The following KAT6A variants were observed in gnomAD, a reference collection of about 807,000 sequenced individuals.
KAT6A encodes histone acetyltransferase KAT6A.
KAT6A carries 9 observed loss-of-function variants against 198.4 expected under a neutral mutation model. The observed-to-expected ratio is 0.05, with a 90% CI of 0.03 to 0.08. KAT6A has a LOEUF of 0.08. KAT6A is among the 10% of genes least tolerant of loss of function. The pLI is 1.00. For missense variants in KAT6A, 2,077 were observed against 2,509.9 expected (o/e 0.83, Z 3.69); for synonymous variants, 890 against 883.0 (o/e 1.01, Z -0.14).
In KAT6A at chr8:41,933,142, G is replaced by T. The variant is rs769417965; in HGVS notation, c.5078C>A (p.Pro1693Gln). 4.4e-6 allele frequency: 7 copies of T among 1,606,734 alleles called. No homozygotes were observed. The highest frequency in any genetic ancestry group is 1.7e-5 in the Admixed American group (1 of 59,824). Residue 1693 changes from proline to glutamine, a missense_variant, in exon 17 of 17, where the codon CCA becomes CAA. Around this residue, in one of 13 missense-constraint regions of KAT6A, gnomAD observed 500 missense variants for 577.2 expected, o/e 0.87. Coordinates refer to ENST00000265713, the MANE Select transcript of KAT6A (RefSeq NM_006766.5). The surrounding 1 kb of genome is among the most constrained non-coding windows in gnomAD (Gnocchi z 6.2). Reference sequence around the variant, plus strand: ...CGGGGGCTGCTGCTGGGGAGGGGGTGGGGGTGGAGGCTGCTGGGGCTGAGG... The same window carrying T: ...CGGGGGCTGCTGCTGGGGAGGGGGTTGGGGTGGAGGCTGCTGGGGCTGAGG... ...PQPQPQQPPP[P>Q]PPPQQQPPLS...
At chr8:42,037,444 A>T (rs1250485463) in intron 2 of KAT6A, among the ~76,000 whole-genome samples, 4 of 152,206 alleles carry the variant, frequency 2.6e-5, no homozygotes, top group Admixed American at 2.6e-4. Flanking sequence ...AGGTTCTAGA[A>T]AACTCAGGAG....
rs753140023 is a variant in KAT6A at position 41,981,868 on chromosome 8, T to C, written c.796A>G (p.Ser266Gly). 8 of 1,613,708 alleles carry C rather than the reference T, an allele frequency of 5.0e-6. No homozygotes were observed. Among genetic ancestry groups the C allele is most frequent in the Admixed American group, 1.7e-5 (1 of 59,996 alleles). ...RWQCIECKTC[S>G]SCRDQGKNAD... ...TTTTTGCCTTGATCTCGACAGGAGCTGCATGTTTTACACTCGATGCACTGC... is the reference window on the plus strand; with the variant it reads ...TTTTTGCCTTGATCTCGACAGGAGCCGCATGTTTTACACTCGATGCACTGC... The change falls in exon 4 of 17, where the codon AGC (serine) becomes GGC (glycine). Residue 266 changes from serine (S) to glycine (G), a missense_variant. This residue lies in a region of KAT6A where 89 missense variants were observed against 154.4 expected (regional missense o/e 0.58). Coordinates refer to ENST00000265713, the MANE Select transcript of KAT6A (RefSeq NM_006766.5).
intron 2 of KAT6A, among the ~76,000 whole-genome samples, chr8:42,043,222 G>T (rs1028017572): frequency 6.6e-6 from 1 of 152,152 alleles, no homozygotes; most frequent in East Asian, 1.9e-4. Context: ...AATAACTGAA[G>T]TAAATGGAAC....
intron 2 of KAT6A, among the ~76,000 whole-genome samples, chr8:42,042,652 G>C (rs1052278693): frequency 6.6e-6 from 1 of 152,144 alleles, no homozygotes; most frequent in African/African-American, 2.4e-5. Flanking sequence ...TCTGCTCCAG[G>C]TTACCCAGCT....
rs753885399 is a variant in KAT6A at position 41,978,645 on chromosome 8, G to A, written c.1040C>T (p.Thr347Met). The A allele has an allele frequency of 1.8e-5, 29 of 1,613,678 alleles. No homozygotes were observed. Among genetic ancestry groups the A allele is most frequent in the South Asian group, 5.5e-5 (5 of 91,058 alleles). The change falls in exon 6 of 17, where the codon ACG (threonine) becomes ATG (methionine). Residue 347 changes from threonine to methionine, a missense_variant. Thr to Met is a moderately conservative substitution (Grantham distance 81). Transcript: ENST00000265713. ...RPKNRLKKQN[T>M]VSKGPFSKVR... ...CCTTGCCACAAGTACAACTTACACC[G>A]TGTTTTGTTTCTTTAACCTGTTTTT...
chr8:41,941,436 C>T lies in KAT6A; in HGVS notation c.2445G>A (p.Lys815=), dbSNP rs777232584. The part of the protein sequence containing the change: ...QERELEISVG[K]SVSHENKEQD... ...GTTCTTTGTTCTCATGAGACACAGA[C>T]TTTCCCACCTGATTTTAGAAAATAA... The change falls in exon 15 of 17, where the codon AAG becomes AAA. Residue 815 remains lysine (K), a synonymous_variant. Transcript: ENST00000265713. 2 of 1,580,708 alleles carry T rather than the reference C, an allele frequency of 1.3e-6. No homozygotes were observed. The highest frequency in any genetic ancestry group is 2.3e-5 in the South Asian group (2 of 86,136).
chr8:41,977,762 G>A (rs1186490096), intron 6 of KAT6A, among the ~76,000 whole-genome samples: 1 of 152,088 alleles, frequency 6.6e-6, no homozygotes, highest in Non-Finnish European at 1.5e-5. Flanking sequence ...AAAACACAAG[G>A]ATGGGTTATT....
intron 2 of KAT6A, among the ~76,000 whole-genome samples, chr8:42,042,499 T>C (rs1246697602): frequency 2.0e-5 from 3 of 151,910 alleles, no homozygotes; most frequent in Non-Finnish European, 4.4e-5. Context: ...AAAATTTAAA[T>C]TCTAAATTCC....
rs540076663 is a variant in KAT6A at position 42,010,299 on chromosome 8, T to C, written c.601-22736A>G. On this transcript the variant is annotated intron_variant, in intron 2 of 16. Transcript: ENST00000265713. ...CAGCCTGGGTGACTGGTATTGTCAATACCATCTATTGACAATAGGCCAGAA... is the reference window on the plus strand; with the variant it reads ...CAGCCTGGGTGACTGGTATTGTCAACACCATCTATTGACAATAGGCCAGAA... 3.3e-5 allele frequency among the ~76,000 whole-genome samples: 5 copies of C among 152,240 alleles called. No individual in the cohort carries two copies. The East Asian group carries it at 7.7e-4, about 24-fold the overall frequency.
At chr8:41,948,168 G>A (rs1007802323) in intron 10 of KAT6A, among the ~76,000 whole-genome samples, 8 of 152,178 alleles carry the variant, frequency 5.3e-5, no homozygotes, top group African/African-American at 1.9e-4. Flanking sequence ...TGATAATCTG[G>A]TTTTAAAAGA....
At position 41,941,225 on chromosome 8, in the gene KAT6A, G is replaced by A. The variant is rs770564178; in HGVS notation, c.2656C>T (p.Leu886=). 2.4e-5 allele frequency: 38 copies of A among 1,613,998 alleles called. No homozygotes were observed. The highest frequency in any genetic ancestry group is 3.1e-5 in the Non-Finnish European group (36 of 1,180,030). ...QERFGDKDSK[L]LLEETSSAPQ... ...GCTGAAGACGTCTCTTCCAAGAGCAGTTTAGAATCTTTATCACCAAAACGT... is the reference window on the plus strand; with the variant it reads ...GCTGAAGACGTCTCTTCCAAGAGCAATTTAGAATCTTTATCACCAAAACGT... Residue 886 remains leucine (L), a synonymous_variant, in exon 15 of 17, where the codon CTG becomes TTG. Coordinates refer to ENST00000265713, the MANE Select transcript of KAT6A (RefSeq NM_006766.5).
chr8:41,945,396 A>G (rs1822326731), intron 12 of KAT6A, among the ~76,000 whole-genome samples: 1 of 150,406 alleles, frequency 6.6e-6, no homozygotes, highest in South Asian at 2.1e-4. Context: ...TCAGCCTCCC[A>G]AGTAGCTGGG....
chr8:42,036,818 A>G (rs1052290800), intron 2 of KAT6A, among the ~76,000 whole-genome samples: 5 of 152,194 alleles, frequency 3.3e-5, no homozygotes, highest in Non-Finnish European at 7.3e-5. Context: ...GGTAAGGAGA[A>G]AGAAAGGTGG....
rs35594171 is a variant in KAT6A, at chr8:42,003,445, C to CT, written c.601-15883dup. Among the ~76,000 whole-genome samples, 776 of 142,824 alleles carry CT rather than the reference C, an allele frequency of 5.4e-3. 6 individuals carry two copies. The highest frequency in any genetic ancestry group is 0.013 in the African/African-American group (522 of 39,042). The allele number at this position is 142,824 out of a possible 152,430, so 93.7% of individuals were successfully genotyped here. A position where few individuals can be genotyped will look rare whatever the true frequency, so the allele number is the denominator to read the frequency against. On this transcript the variant is annotated intron_variant, in intron 2 of 16. Coordinates refer to ENST00000265713, the MANE Select transcript of KAT6A (RefSeq NM_006766.5). ...TCCAAGCTTCCAATAATTCAAACCT[C>CT]TTTTTTTTTTTTTTTGTTTCCCCAG...
rs1821669081 is a variant in KAT6A, at chr8:41,933,410, C to A, written c.4810G>T (p.Val1604Leu). Residue 1604 changes from valine to leucine, a missense_variant, in exon 17 of 17, where the codon GTG becomes TTG. Transcript: ENST00000265713. This position sits in a 1 kb window ranked among gnomAD's most constrained non-coding sequence, Gnocchi z 6.2. ...ATGCTGGCCATCTGCTGAGTGACCA[C>A]ACAGCTGCTCTGGGTGAGGCTGCTG... ...SSSSLTQSSC[V>L]VTQQMASMGS... 2 of 1,610,344 alleles carry A rather than the reference C, an allele frequency of 1.2e-6. No homozygotes were observed. The highest frequency in any genetic ancestry group is 1.7e-5 in the Admixed American group (1 of 59,932).
At chr8:42,000,935 C>T (rs1455819590) in intron 2 of KAT6A, among the ~76,000 whole-genome samples, 2 of 152,090 alleles carry the variant, frequency 1.3e-5, no homozygotes, top group Non-Finnish European at 2.9e-5. Flanking sequence ...AAGTTCATAA[C>T]TCTAAATACA....
At chr8:41,954,211 G>C (rs1309871087) in intron 9 of KAT6A, among the ~76,000 whole-genome samples, 1 of 152,138 alleles carries the variant, frequency 6.6e-6, no homozygotes, top group Non-Finnish European at 1.5e-5. Context: ...TATATGGAAA[G>C]AAAAAGTAAA....
intron 2 of KAT6A, among the ~76,000 whole-genome samples, chr8:41,994,304 T>A (rs1825085366): frequency 6.6e-6 from 1 of 152,298 alleles, no homozygotes; most frequent in East Asian, 1.9e-4. Context: ...ATTGCTTCCA[T>A]CTCAGATTAA....
chr8:42,019,251 TC>T (rs1826414600), intron 2 of KAT6A, among the ~76,000 whole-genome samples: 1 of 152,214 alleles, frequency 6.6e-6, no homozygotes, highest in South Asian at 2.1e-4. Flanking sequence ...TTGAAAGTGT[TC>T]CTCTTTATTT....
Sources: gnomAD v4.1 joint callset for allele counts (sites outside exome capture counted in the v4.1 genomes callset) on GRCh38, gnomAD v4.1.1 for gene constraint, gnomAD v4.1.1 regional missense constraint, Gnocchi (gnomAD v3.1) non-coding constraint, MANE v1.5 for transcripts, NCBI Gene and HGNC (gene_info 2026-07-23, HGNC 2026-07-21) for gene names.